KCNK13: variants seen among roughly 807,000 people sequenced by gnomAD.
The protein encoded by KCNK13 is potassium two pore domain channel subfamily K member 13, also known as potassium channel subfamily K member 13.
In KCNK13, 12 loss-of-function variants were observed where a neutral mutation model predicts 23.4. The observed-to-expected ratio is 0.51, with a 90% CI of 0.33 to 0.83. KCNK13 has a LOEUF of 0.83. KCNK13 is among the 40% of genes least tolerant of loss of function. The pLI is 0.02. For missense variants in KCNK13, 463 were observed against 556.3 expected (o/e 0.83, Z 1.69); for synonymous variants, 231 against 229.5 (o/e 1.01, Z -0.06).
intron 1 of KCNK13, among the ~76,000 whole-genome samples, chr14:90,116,423 G>A (rs1320261360): frequency 6.6e-6 from 1 of 152,172 alleles, no homozygotes; most frequent in East Asian, 1.9e-4. Flanking sequence ...CTATCGCACA[G>A]TTATAGCAAT....
At chr14:90,144,888 A>G (rs551646341) in intron 1 of KCNK13, among the ~76,000 whole-genome samples, 1 of 152,248 alleles carries the variant, frequency 6.6e-6, no homozygotes, top group South Asian at 2.1e-4. Flanking sequence ...ATAGGGGGAA[A>G]GCATTGTCTC....
At chr14:90,164,997 C>G (rs937918095) in intron 1 of KCNK13, among the ~76,000 whole-genome samples, 5 of 152,204 alleles carry the variant, frequency 3.3e-5, no homozygotes, top group African/African-American at 4.8e-5. Flanking sequence ...ACTTACAGTT[C>G]CGCGTGGCTG....
intron 1 of KCNK13, among the ~76,000 whole-genome samples, chr14:90,086,929 A>G (rs922783071): frequency 5.9e-5 from 9 of 152,010 alleles, no homozygotes; most frequent in Admixed American, 5.9e-4. Flanking sequence ...CCAATGATGA[A>G]TGATGAATGT....
At chr14:90,135,291 G>A (rs977565438) in intron 1 of KCNK13, among the ~76,000 whole-genome samples, 3 of 152,132 alleles carry the variant, frequency 2.0e-5, no homozygotes, top group Non-Finnish European at 2.9e-5. Context: ...GTGTGCTGCC[G>A]TCAAGCGTCT....
chr14:90,098,807 G>A (rs375612753), intron 1 of KCNK13, among the ~76,000 whole-genome samples: 3 of 151,302 alleles, frequency 2.0e-5, no homozygotes, highest in South Asian at 2.1e-4. Flanking sequence ...GGCCAGGCGC[G>A]GTGGCTCACG....
At chr14:90,133,780 G>A (rs1013046419) in intron 1 of KCNK13, among the ~76,000 whole-genome samples, 4 of 152,070 alleles carry the variant, frequency 2.6e-5, no homozygotes, top group African/African-American at 9.7e-5. Context: ...CTAATCTTCT[G>A]TAAGACTTCC....
At chr14:90,101,974 C>T (rs1254849803) in intron 1 of KCNK13, among the ~76,000 whole-genome samples, 1 of 151,502 alleles carries the variant, frequency 6.6e-6, no homozygotes, top group African/African-American at 2.4e-5. Context: ...ACCTCTGCCT[C>T]CCAGGTTCAA....
At chr14:90,104,557 T>A (rs1013790871) in intron 1 of KCNK13, among the ~76,000 whole-genome samples, 7 of 152,174 alleles carry the variant, frequency 4.6e-5, no homozygotes, top group Admixed American at 2.0e-4. Flanking sequence ...CTTTTTTATG[T>A]CTTTGAAGGC....
At chr14:90,169,528 A>C (rs1890340920) in intron 1 of KCNK13, among the ~76,000 whole-genome samples, 1 of 152,234 alleles carries the variant, frequency 6.6e-6, no homozygotes, top group Admixed American at 6.5e-5. Flanking sequence ...CAACATGAGA[A>C]ACGAGGATTT....
intron 1 of KCNK13, among the ~76,000 whole-genome samples, chr14:90,085,254 G>A (rs775690447): frequency 1.9e-4 from 29 of 151,998 alleles, no homozygotes; most frequent in Admixed American, 1.4e-3. Context: ...CTAATTTTCG[G>A]ATATTAAATC....
At chr14:90,079,828 T>C (rs907847434) in intron 1 of KCNK13, among the ~76,000 whole-genome samples, 34 of 152,222 alleles carry the variant, frequency 2.2e-4, no homozygotes, top group African/African-American at 8.2e-4. Context: ...CTGCAGGCCC[T>C]GCCTGGGTCA....
Position 90,062,787 on chromosome 14 carries a change from GCCGAGT to G in KCNK13, c.334+250_334+255del, listed in dbSNP as rs1358430204. On this transcript the variant is annotated intron_variant, in intron 1 of 1. Coordinates refer to ENST00000282146, the MANE Select transcript of KCNK13 (RefSeq NM_022054.4). The surrounding 1 kb of genome is among the most constrained non-coding windows in gnomAD (Gnocchi z 4.5). ...CAGTCTCAGTCCCCTCTGCAGACCT[GCCGAGT>G]CAGAATCTGCATGTTAACAAAGTCC... Among the ~76,000 whole-genome samples, 1 of 152,182 alleles carries G rather than the reference GCCGAGT, an allele frequency of 6.6e-6. No homozygotes were observed. Among genetic ancestry groups the G allele is most frequent in the Non-Finnish European group, 1.5e-5 (1 of 68,032 alleles).
chr14:90,123,534 T>C (rs987797889), intron 1 of KCNK13, among the ~76,000 whole-genome samples: 1 of 152,194 alleles, frequency 6.6e-6, no homozygotes, highest in South Asian at 2.1e-4. Flanking sequence ...GTTAGGACTT[T>C]GACACAGAAA....
intron 1 of KCNK13, among the ~76,000 whole-genome samples, chr14:90,176,576 C>CA (rs1233708701): frequency 1.3e-5 from 2 of 151,966 alleles, no homozygotes; most frequent in African/African-American, 4.8e-5. Context: ...CTGTTAGCAT[C>CA]AAAAAGATTG....
At chr14:90,084,355 GA>G (rs1447573077) in intron 1 of KCNK13, among the ~76,000 whole-genome samples, 1 of 151,858 alleles carries the variant, frequency 6.6e-6, no homozygotes, top group African/African-American at 2.4e-5. Context: ...ATAAGTTTTG[GA>G]CTTTAAAAAA....
At chr14:90,110,449 C>G (rs936456570) in intron 1 of KCNK13, among the ~76,000 whole-genome samples, 1 of 151,176 alleles carries the variant, frequency 6.6e-6, no homozygotes, top group African/African-American at 2.4e-5. Flanking sequence ...CACAGCACTC[C>G]AGCCTGGGCG....
intron 1 of KCNK13, among the ~76,000 whole-genome samples, chr14:90,144,495 C>CTCTTTTTTTTT (rs1555352214): frequency 8.4e-6 from 1 of 119,240 alleles, no homozygotes; most frequent in African/African-American, 3.1e-5. Flanking sequence ...TTTACTTTCT[C>CTCTTTTTTTTT]TTTTTTTTTT....
chr14:90,107,982 G>C lies in KCNK13; in HGVS notation c.334+45443G>C, dbSNP rs1156414483. 5.9e-5 allele frequency: 42 copies of C among 717,208 alleles called. No individual in the cohort carries two copies. In the Admixed American group the frequency reaches 7.4e-4, roughly 13 times the overall value. The allele number at this position is 717,208 out of a possible 1,614,324, so 44.4% of individuals were successfully genotyped here. On this transcript the variant is annotated intron_variant, in intron 1 of 1. Transcript: ENST00000282146. Reference sequence around the variant, plus strand: ...CTGCTGACGCGGCTAAAGCAGATTGGAGTTTTGCAGTAACCACAGAGCAGG... The same window carrying C: ...CTGCTGACGCGGCTAAAGCAGATTGCAGTTTTGCAGTAACCACAGAGCAGG...
At chr14:90,130,186 T>TTATTTATTTATA (rs1250750513) in intron 1 of KCNK13, among the ~76,000 whole-genome samples, 1 of 148,072 alleles carries the variant, frequency 6.8e-6, no homozygotes, top group Non-Finnish European at 1.5e-5. Context: ...GGACATTTAT[T>TTATTTATTTATA]TATTTATTTA....
Sources: gnomAD v4.1 joint callset for allele counts (sites outside exome capture counted in the v4.1 genomes callset) on GRCh38, gnomAD v4.1.1 for gene constraint, Gnocchi (gnomAD v3.1) non-coding constraint, MANE v1.5 for transcripts, NCBI Gene and HGNC (gene_info 2026-07-23, HGNC 2026-07-21) for gene names.